The following NXPE2 variants were observed in gnomAD, a reference collection of about 807,000 sequenced individuals.
NXPE2 encodes the protein neurexophilin and PC-esterase domain family member 2.
Under a neutral mutation model 34.4 loss-of-function variants are expected in NXPE2, and 34 were observed. That is an observed-to-expected ratio of 0.99 (90% CI 0.75 to 1.31). NXPE2 has a LOEUF of 1.31. Ranked by LOEUF, NXPE2 falls within the 40% of genes most tolerant of loss-of-function variation. The pLI, the probability that NXPE2 is intolerant of heterozygous loss-of-function variation, is 0.00. For missense variants in NXPE2, 649 were observed against 672.5 expected, an observed-to-expected ratio of 0.97 and a Z score of 0.39; for synonymous variants, 235 against 231.3, an observed-to-expected ratio of 1.02 and a Z score of -0.15.
At chr11:114,764,427 T>TA in the NXPE2 span, among the ~76,000 whole-genome samples, 9 of 150,012 alleles carry the variant, frequency 6.0e-5, no homozygotes, top group African/African-American at 2.2e-4. Context: ...TAGTTTTCTT[T>TA]AAAAAAAAAA....
the NXPE2 span, among the ~76,000 whole-genome samples, chr11:114,490,616 T>C: frequency 2.4e-4 from 37 of 152,300 alleles, no homozygotes; most frequent in South Asian, 7.3e-3. Flanking sequence ...ATTCCCTATT[T>C]AATAAATGGT....
chr11:114,723,918 C>T, the NXPE2 span, among the ~76,000 whole-genome samples: 1,382 of 152,196 alleles, frequency 9.1e-3, 21 homozygotes, highest in African/African-American at 0.032. Context: ...TGCACAGAAC[C>T]GAACCCTCTC....
At chr11:114,758,395 T>C in the NXPE2 span, among the ~76,000 whole-genome samples, 2 of 152,194 alleles carry the variant, frequency 1.3e-5, no homozygotes, top group Non-Finnish European at 2.9e-5. Flanking sequence ...CCTTTAACAT[T>C]GGGACTGGGA....
At chr11:114,579,192 G>C in the NXPE2 span, among the ~76,000 whole-genome samples, 6 of 152,168 alleles carry the variant, frequency 3.9e-5, no homozygotes, top group Non-Finnish European at 1.5e-5. Flanking sequence ...GAGCAAGAGA[G>C]ATGCCAGGCT....
the NXPE2 span, among the ~76,000 whole-genome samples, chr11:114,601,030 G>C: frequency 6.6e-6 from 1 of 151,892 alleles, no homozygotes; most frequent in Non-Finnish European, 1.5e-5. Context: ...AACATTTCAA[G>C]TTGCCATCTG....
At chr11:114,653,314 C>T in the NXPE2 span, among the ~76,000 whole-genome samples, 1 of 152,168 alleles carries the variant, frequency 6.6e-6, no homozygotes, top group Admixed American at 6.5e-5. Context: ...AAGAAAGCAG[C>T]AGCCATCTCA....
the NXPE2 span, among the ~76,000 whole-genome samples, chr11:114,806,862 G>A: frequency 1.3e-5 from 2 of 152,020 alleles, no homozygotes; most frequent in African/African-American, 2.4e-5. Flanking sequence ...TACTCCTTGA[G>A]AAGAGCAACT....
At chr11:114,660,769 A>G in the NXPE2 span, among the ~76,000 whole-genome samples, 1 of 152,134 alleles carries the variant, frequency 6.6e-6, no homozygotes, top group Admixed American at 6.5e-5. Flanking sequence ...GAAATAAAAT[A>G]AAAGGCATAC....
the NXPE2 span, among the ~76,000 whole-genome samples, chr11:114,466,958 A>G: frequency 1.8e-4 from 28 of 152,320 alleles, no homozygotes; most frequent in East Asian, 3.1e-3. Context: ...CCGTAAGTCC[A>G]CAAATAACAC....
At chr11:114,765,923 C>T in the NXPE2 span, among the ~76,000 whole-genome samples, 1 of 152,126 alleles carries the variant, frequency 6.6e-6, no homozygotes, top group Non-Finnish European at 1.5e-5. Context: ...GCTATTTTAA[C>T]CTCACCATCA....
At chr11:114,597,154 G>T in the NXPE2 span, among the ~76,000 whole-genome samples, 1 of 151,894 alleles carries the variant, frequency 6.6e-6, no homozygotes, top group Admixed American at 6.6e-5. Context: ...TGTAACCCTG[G>T]TATAACCACT....
the NXPE2 span, among the ~76,000 whole-genome samples, chr11:114,586,957 C>T: frequency 6.6e-6 from 1 of 152,128 alleles, no homozygotes; most frequent in Non-Finnish European, 1.5e-5. Flanking sequence ...TCCTCCTTCC[C>T]TCCCCACACC....
chr11:114,551,366 C>A, the NXPE2 span: 1 of 1,404,702 alleles, frequency 7.1e-7, no homozygotes, highest in African/African-American at 1.5e-5. Context: ...ACTCATACCC[C>A]CAATCCCTTT....
the NXPE2 span, among the ~76,000 whole-genome samples, chr11:114,564,692 T>A: frequency 6.6e-6 from 1 of 152,026 alleles, no homozygotes; most frequent in Non-Finnish European, 1.5e-5. Flanking sequence ...TCTCATTGGT[T>A]GGAGAAAGCC....
At chr11:114,804,945 T>C in the NXPE2 span, among the ~76,000 whole-genome samples, 5 of 152,292 alleles carry the variant, frequency 3.3e-5, no homozygotes, top group African/African-American at 9.6e-5. Context: ...AATTTGAAAA[T>C]GTAATTTCCC....
At chr11:114,531,833 A>T in the NXPE2 span, among the ~76,000 whole-genome samples, 1 of 152,146 alleles carries the variant, frequency 6.6e-6, no homozygotes, top group East Asian at 1.9e-4. Flanking sequence ...GAGGTCACTT[A>T]TGCTTTTGGC....
the NXPE2 span, among the ~76,000 whole-genome samples, chr11:114,729,247 T>G: frequency 6.6e-6 from 1 of 152,172 alleles, no homozygotes; most frequent in African/African-American, 2.4e-5. Flanking sequence ...AAGACATGAT[T>G]TCATTCTTTT....
At chr11:114,777,707 G>A in the NXPE2 span, among the ~76,000 whole-genome samples, 1,757 of 152,182 alleles carry the variant, frequency 0.012, 39 homozygotes, top group African/African-American at 0.04. Flanking sequence ...GGTTCTTCCC[G>A]TGTGAGCATA....
the NXPE2 span, among the ~76,000 whole-genome samples, chr11:114,639,313 C>T: frequency 2.8e-4 from 43 of 152,132 alleles, no homozygotes; most frequent in Non-Finnish European, 5.3e-4. Context: ...TCCTTAAGCC[C>T]GTCGGAAAAG....
Sources: gnomAD v4.1 joint callset for allele counts (sites outside exome capture counted in the v4.1 genomes callset) on GRCh38, gnomAD v4.1.1 for gene constraint, MANE v1.5 for transcripts, NCBI Gene and HGNC (gene_info 2026-07-23, HGNC 2026-07-21) for gene names.